Variants in NELL2 observed in about 807,000 individuals in gnomAD.
NELL2 encodes the protein protein kinase C-binding protein NELL2.
Under a neutral mutation model 109.6 loss-of-function variants are expected in NELL2, and 41 were observed. That is an observed-to-expected ratio of 0.37 (90% confidence interval 0.29 to 0.49). The LOEUF is 0.49. Ranked by LOEUF, NELL2 falls within the 20% of genes least tolerant of loss-of-function variation. The pLI, the probability that NELL2 is intolerant of heterozygous loss-of-function variation, is 0.98. For missense variants in NELL2, 900 were observed against 1,008.3 expected (o/e 0.89, Z 1.45); for synonymous variants, 355 against 344.7 (o/e 1.03, Z -0.33).
intron 13 of NELL2, among the ~76,000 whole-genome samples, chr12:44,647,765 G>T (rs1242422050): frequency 1.3e-5 from 2 of 152,130 alleles, no homozygotes; most frequent in African/African-American, 4.8e-5. Flanking sequence ...AATAAAGATG[G>T]CTGTTCTGGC....
At chr12:44,917,885 C>T (rs1332903689), upstream of NELL2, among the ~76,000 whole-genome samples, 4 of 152,168 alleles carry the variant, frequency 2.6e-5, no homozygotes, top group South Asian at 4.1e-4. Flanking sequence ...CTCCAGACAA[C>T]GGCTTCAAAA....
At chr12:44,814,763 C>T (rs575197656) in intron 3 of NELL2, among the ~76,000 whole-genome samples, 1 of 152,318 alleles carries the variant, frequency 6.6e-6, no homozygotes, top group Non-Finnish European at 1.5e-5. Flanking sequence ...GAACCTTCCT[C>T]ACTAAGTCAG....
In NELL2 at chr12:44,644,631, C is replaced by CATATATAT. The variant is rs144306927; in HGVS notation, c.1444+20845_1444+20852dup. Among the ~76,000 whole-genome samples, 42 of 100,936 alleles carry CATATATAT rather than the reference C, an allele frequency of 4.2e-4. No homozygotes were observed. In the East Asian group the frequency reaches 7.6e-3, roughly 18 times the overall value. 66.2% of individuals were successfully genotyped at this position (100,936 alleles called of 152,430 possible). ...ATGTATATATATATATATATACATA[C>CATATATAT]ATATATATATATATATATACACACA... On this transcript the variant is annotated intron_variant, in intron 13 of 19. Coordinates refer to ENST00000429094, the MANE Select transcript of NELL2 (RefSeq NM_001145108.2).
intron 9 of NELL2, among the ~76,000 whole-genome samples, chr12:44,764,618 G>A (rs143458003): frequency 2.0e-4 from 30 of 152,152 alleles, no homozygotes; most frequent in African/African-American, 6.5e-4. Context: ...AATCATATGA[G>A]ACAATGTATA....
chr12:44,630,670 C>T (rs1481144637), intron 13 of NELL2, among the ~76,000 whole-genome samples: 1 of 151,982 alleles, frequency 6.6e-6, no homozygotes, highest in Non-Finnish European at 1.5e-5. Context: ...ACAAGGACCC[C>T]ACTTTACGAA....
chr12:44,872,991 TG>T (rs1246064501), intron 2 of NELL2, among the ~76,000 whole-genome samples: 1 of 152,178 alleles, frequency 6.6e-6, no homozygotes, highest in Non-Finnish European at 1.5e-5. Flanking sequence ...GCAAAGACCT[TG>T]CCAAGGTAAT....
chr12:44,876,081 T>C lies in NELL2; in HGVS notation c.-212A>G. 1 of 1,390,742 alleles carries C rather than the reference T, an allele frequency of 7.2e-7. No individual in the cohort carries two copies. The highest frequency in any genetic ancestry group is 9.3e-7 in the Non-Finnish European group (1 of 1,075,018). The allele number at this position is 1,390,742 out of a possible 1,614,324, so 86.2% of individuals were successfully genotyped here. On this transcript the variant is annotated 5_prime_UTR_variant, in exon 1 of 20. The change abolishes an upstream ATG in the 5' untranslated region. Transcript: ENST00000429094. ...GAACTTAGACCCTCCAATGCGCACA[T>C]CATTCCCACACGCAGGGCCGAGGCG...
rs1213376197 is a variant in NELL2 at position 44,876,080 on chromosome 12, A to G, written c.-211T>C. ...AGAACTTAGACCCTCCAATGCGCAC[A>G]TCATTCCCACACGCAGGGCCGAGGC... On this transcript the variant is annotated 5_prime_UTR_variant, in exon 1 of 20. An upstream start codon of the reference 5' UTR is lost. Transcript: ENST00000429094. The G allele has an allele frequency of 3.6e-6, 5 of 1,395,268 alleles. No homozygotes were observed. Among genetic ancestry groups the G allele is most frequent in the East Asian group, 5.3e-5 (2 of 37,828 alleles). 86.4% of individuals were successfully genotyped at this position (1,395,268 alleles called of 1,614,324 possible).
At chr12:44,796,285 T>C (rs1270330369) in intron 3 of NELL2, among the ~76,000 whole-genome samples, 1 of 152,116 alleles carries the variant, frequency 6.6e-6, no homozygotes, top group Non-Finnish European at 1.5e-5. Flanking sequence ...TTAACTTAAC[T>C]AAGTATGAAT....
chr12:44,875,011 G>T, intron 2 of NELL2: 1 of 554,168 alleles, frequency 1.8e-6, no homozygotes, highest in Admixed American at 3.3e-5. Flanking sequence ...ATTAGAACTG[G>T]CAAGAGTACA....
chr12:44,528,672 A>T (rs1172327071), intron 16 of NELL2, among the ~76,000 whole-genome samples: 1 of 152,238 alleles, frequency 6.6e-6, no homozygotes, highest in African/African-American at 2.4e-5. Context: ...TGAAACTTAC[A>T]TTCTAAAGCA....
At chr12:44,719,373 C>G (rs1482481131) in intron 9 of NELL2, among the ~76,000 whole-genome samples, 2 of 152,056 alleles carry the variant, frequency 1.3e-5, no homozygotes, top group Non-Finnish European at 2.9e-5. Flanking sequence ...TTTAGCAAAC[C>G]CTTGTAGAAA....
intron 9 of NELL2, among the ~76,000 whole-genome samples, chr12:44,752,563 T>A (rs1263904674): frequency 2.6e-5 from 4 of 152,200 alleles, no homozygotes; most frequent in Admixed American, 2.6e-4. Context: ...TGCTTCCAAA[T>A]ACCTGGAATG....
intron 15 of NELL2, among the ~76,000 whole-genome samples, chr12:44,589,691 GC>G (rs1944674358): frequency 6.6e-6 from 1 of 152,134 alleles, no homozygotes; most frequent in African/African-American, 2.4e-5. Flanking sequence ...AGCGATGCTT[GC>G]TAAAAGTGCA....
chr12:44,686,820 C>G (rs1163964873), intron 12 of NELL2, among the ~76,000 whole-genome samples: 1 of 152,232 alleles, frequency 6.6e-6, no homozygotes, highest in South Asian at 2.1e-4. Context: ...CTCTTCAAAG[C>G]TGTCAGAAGG....
chr12:44,722,486 T>G (rs942303675), intron 9 of NELL2, among the ~76,000 whole-genome samples: 1 of 152,178 alleles, frequency 6.6e-6, no homozygotes, highest in Admixed American at 6.5e-5. Flanking sequence ...TTATTGACAC[T>G]GAAACACTGT....
intron 15 of NELL2, among the ~76,000 whole-genome samples, chr12:44,539,105 C>T (rs1206276849): frequency 2.0e-5 from 3 of 152,096 alleles, no homozygotes; most frequent in Non-Finnish European, 4.4e-5. Context: ...CTGTTTCCCC[C>T]CATATTCTCC....
At chr12:44,686,613 T>C (rs1566162881) in intron 12 of NELL2, among the ~76,000 whole-genome samples, 1 of 151,532 alleles carries the variant, frequency 6.6e-6, no homozygotes, top group African/African-American at 2.4e-5. Context: ...TCCTTTCTGT[T>C]TGTTAGTTTT....
intron 9 of NELL2, among the ~76,000 whole-genome samples, chr12:44,741,293 T>C (rs1939943998): frequency 6.6e-6 from 1 of 152,234 alleles, no homozygotes; most frequent in Non-Finnish European, 1.5e-5. Flanking sequence ...AACTTTAAGC[T>C]GTATCATAAC....
Sources: allele counts gnomAD v4.1 joint callset (sites outside exome capture counted in the v4.1 genomes callset), GRCh38; gene constraint gnomAD v4.1.1; transcripts MANE v1.5; gene names NCBI Gene and HGNC (gene_info 2026-07-23, HGNC 2026-07-21).